The following RBFOX3 variants were observed in gnomAD, a reference collection of about 807,000 sequenced individuals.
RBFOX3 encodes RNA binding protein fox-1 homolog 3.
A neutral mutation model predicts 48.7 loss-of-function variants in RBFOX3; 17 were observed. The ratio of observed to expected loss-of-function variants is 0.35; its 90% CI spans 0.24 to 0.52. RBFOX3 has a LOEUF of 0.52. Among genes scored for constraint, RBFOX3 ranks in the 20% least tolerant of loss-of-function variants. The pLI, the probability that RBFOX3 is intolerant of heterozygous loss-of-function variation, is 0.94. For synonymous variants in RBFOX3, 212 were observed against 209.5 expected, an observed-to-expected ratio of 1.01 and a Z score of -0.10; for missense variants, 382 against 497.5, an observed-to-expected ratio of 0.77 and a Z score of 2.21.
chr17:79,150,224 G>A (rs934406148), intron 4 of RBFOX3, among the ~76,000 whole-genome samples: 21 of 152,082 alleles, frequency 1.4e-4, no homozygotes, highest in African/African-American at 3.9e-4. Context: ...CAGCAGCCAC[G>A]TCCCAGGAGA....
chr17:79,276,312 T>TA (rs2068802055), intron 3 of RBFOX3, among the ~76,000 whole-genome samples: 1 of 152,204 alleles, frequency 6.6e-6, no homozygotes, highest in Non-Finnish European at 1.5e-5. Context: ...CTGAATACAC[T>TA]AAAAACCCCT....
intron 4 of RBFOX3, among the ~76,000 whole-genome samples, chr17:79,189,861 C>T (rs550519640): frequency 8.5e-5 from 13 of 152,324 alleles, no homozygotes; most frequent in African/African-American, 2.9e-4. Context: ...GATGATGACT[C>T]CAGCTCGGAC....
At chr17:79,551,076 G>A (rs1209913371) in intron 1 of RBFOX3, among the ~76,000 whole-genome samples, 1 of 152,082 alleles carries the variant, frequency 6.6e-6, no homozygotes, top group Non-Finnish European at 1.5e-5. Flanking sequence ...TTAAATAGTC[G>A]CATGCAACTA....
chr17:79,565,223 T>C (rs1185683274), intron 1 of RBFOX3, among the ~76,000 whole-genome samples: 1 of 152,182 alleles, frequency 6.6e-6, no homozygotes, highest in Non-Finnish European at 1.5e-5. Flanking sequence ...AAGGTTATGA[T>C]TGATTTTTGT....
chr17:79,504,881 C>G (rs913404439), intron 1 of RBFOX3, among the ~76,000 whole-genome samples: 8 of 152,124 alleles, frequency 5.3e-5, no homozygotes, highest in African/African-American at 1.9e-4. Flanking sequence ...TATACAGATG[C>G]GGACGTGCGT....
At chr17:79,161,009 C>T (rs570053410) in intron 4 of RBFOX3, among the ~76,000 whole-genome samples, 5 of 151,566 alleles carry the variant, frequency 3.3e-5, no homozygotes, top group South Asian at 2.1e-4. Flanking sequence ...AAAAAAGTCT[C>T]GTGGGCTGGG....
intron 3 of RBFOX3, among the ~76,000 whole-genome samples, chr17:79,273,029 GCTCTGCCTCCCAGGGGTAGCA>G (rs1381511192): frequency 1.3e-5 from 2 of 152,146 alleles, no homozygotes; most frequent in Admixed American, 6.5e-5. Context: ...CCATGCTGGG[GCTCTGCCTCCCAGGGGTAGCA>G]CTGACTCCCT....
chr17:79,241,600 G>C (rs995189316), intron 3 of RBFOX3, among the ~76,000 whole-genome samples: 1 of 152,174 alleles, frequency 6.6e-6, no homozygotes, highest in African/African-American at 2.4e-5. Context: ...TGTTTGTGCG[G>C]GAGGAAGCTT....
At chr17:79,609,856 G>A (rs1322069267) in intron 1 of RBFOX3, among the ~76,000 whole-genome samples, 5 of 151,988 alleles carry the variant, frequency 3.3e-5, no homozygotes, top group Non-Finnish European at 7.4e-5. Flanking sequence ...GCCACCCCGA[G>A]ACGCCACAGA....
chr17:79,484,534 AGGGGCCTGGGTGC>A (rs2079260054), intron 1 of RBFOX3, among the ~76,000 whole-genome samples: 3 of 5,700 alleles, frequency 5.3e-4, no homozygotes, highest in Non-Finnish European at 1.2e-3. Flanking sequence ...GCCTGGGTGC[AGGGGCCTGGGTGC>A]AGGGGGCCTG....
intron 1 of RBFOX3, chr17:79,601,834 T>C (rs2093711338): frequency 6.6e-6 from 1 of 152,170 alleles, no homozygotes; most frequent in Non-Finnish European, 1.5e-5. Context: ...GGCTCTATTT[T>C]AAAAGTCCAA....
chr17:79,365,130 CA>C, intron 2 of RBFOX3, among the ~76,000 whole-genome samples: 1 of 114,530 alleles, frequency 8.7e-6, no homozygotes, highest in African/African-American at 3.6e-5. Context: ...GATGTGCGCA[CA>C]CACACACACA....
chr17:79,144,389 G>A (rs1381312748), intron 4 of RBFOX3, among the ~76,000 whole-genome samples: 3 of 152,208 alleles, frequency 2.0e-5, no homozygotes, highest in Admixed American at 1.3e-4. Context: ...CCACAGAGGC[G>A]TCACATGACC....
In RBFOX3 at chr17:79,477,313, T is replaced by G. The variant is rs2077985888; in HGVS notation, c.-175+5141A>C. Among the ~76,000 whole-genome samples the G allele has an allele frequency of 1.4e-5, 2 of 147,688 alleles. No individual in the cohort carries two copies. The highest frequency in any genetic ancestry group is 6.8e-5 in the Admixed American group (1 of 14,726). On this transcript the variant is annotated intron_variant, in intron 2 of 14. Transcript: ENST00000693108. The surrounding 1 kb of genome is among the most constrained non-coding windows in gnomAD (Gnocchi z 4.8). The stretch of plus-strand genomic sequence containing the variant: ...GGCTCACACCTGTAATCCCAGCACT[T>G]TGGGAGGCCAAGGCAGGTGGATCAC...
At chr17:79,277,332 C>A (rs1247922258) in intron 3 of RBFOX3, among the ~76,000 whole-genome samples, 1 of 151,706 alleles carries the variant, frequency 6.6e-6, no homozygotes, top group African/African-American at 2.4e-5. Context: ...TCGACTGGTA[C>A]CTTATACTGT....
At chr17:79,483,953 C>A (rs1315568930) in intron 1 of RBFOX3, among the ~76,000 whole-genome samples, 1 of 151,618 alleles carries the variant, frequency 6.6e-6, no homozygotes, top group African/African-American at 2.4e-5. Context: ...TAGACCCAAG[C>A]CTGGGAAGTC....
rs1056655213 is a variant in RBFOX3, at chr17:79,535,709, G to A, written c.-319-53111C>T. ...TTGCCTGTGTTGGGGACAGTCAATC[G>A]GACATAGGAATAACGTGTCCTCTGC... On this transcript the variant is annotated intron_variant, in intron 1 of 14. Transcript: ENST00000693108. This position sits in a 1 kb window ranked among gnomAD's most constrained non-coding sequence, Gnocchi z 4.5. 3.3e-5 allele frequency among the ~76,000 whole-genome samples: 5 copies of A among 152,164 alleles called. No homozygotes were observed. The highest frequency in any genetic ancestry group is 2.1e-4 in the South Asian group (1 of 4,822).
At position 79,437,489 on chromosome 17, in the gene RBFOX3, T is replaced by C. The variant is rs113005824; in HGVS notation, c.-175+44965A>G. On this transcript the variant is annotated intron_variant, in intron 2 of 14. Transcript: ENST00000693108. Reference sequence around the variant, plus strand: ...CTGTGACACCAGCCCCACTCCAGGCTCTGAGGTCCTGGAGGGCTGCTGGAG... The same window carrying C: ...CTGTGACACCAGCCCCACTCCAGGCCCTGAGGTCCTGGAGGGCTGCTGGAG... 3.7e-3 allele frequency among the ~76,000 whole-genome samples: 564 copies of C among 152,284 alleles called. 3 individuals are homozygous for C. The highest frequency in any genetic ancestry group is 0.013 in the African/African-American group (528 of 41,568).
At position 79,361,571 on chromosome 17, in the gene RBFOX3, C is replaced by T. The variant is rs1312174142; in HGVS notation, c.-174-53747G>A. Among the ~76,000 whole-genome samples the T allele has an allele frequency of 6.6e-6, 1 of 152,230 alleles. No individual in the cohort carries two copies. The highest frequency in any genetic ancestry group is 6.5e-5 in the Admixed American group (1 of 15,288). ...GGGCCCAGCTGATCAGCAGCTCTGC[C>T]AGGCACTGTCCAGGGCTTCCCTAAG... On this transcript the variant is annotated intron_variant, in intron 2 of 14. Transcript: ENST00000693108. This position sits in a 1 kb window ranked among gnomAD's most constrained non-coding sequence, Gnocchi z 4.5.
Sources: allele counts gnomAD v4.1 joint callset (sites outside exome capture counted in the v4.1 genomes callset), GRCh38; gene constraint gnomAD v4.1.1; non-coding constraint Gnocchi (gnomAD v3.1); transcripts MANE v1.5; gene names NCBI Gene and HGNC (gene_info 2026-07-23, HGNC 2026-07-21).